FTO: variants seen among roughly 807,000 people sequenced by gnomAD.
The protein encoded by FTO is alpha-ketoglutarate-dependent dioxygenase FTO.
In FTO, 47 loss-of-function variants were observed where a neutral mutation model predicts 63.9. That is an observed-to-expected ratio of 0.74 (90% confidence interval 0.58 to 0.94). FTO has a LOEUF of 0.94. FTO is among the 40% of genes least tolerant of loss of function. FTO has a pLI of 0.00. For synonymous variants in FTO, 207 were observed against 224.4 expected, an observed-to-expected ratio of 0.92 and a Z score of 0.69; for missense variants, 562 against 618.1, an observed-to-expected ratio of 0.91 and a Z score of 0.96.
intron 4 of FTO, among the ~76,000 whole-genome samples, chr16:53,859,167 G>A (rs974971555): frequency 2.6e-5 from 4 of 152,092 alleles, no homozygotes; most frequent in Admixed American, 2.6e-4. Flanking sequence ...TATGTGCAGA[G>A]CCCATCACTT....
At position 54,111,804 on chromosome 16, in the gene FTO, G is replaced by A; in HGVS notation, c.1407G>A (p.Lys469=). The A allele has an allele frequency of 6.2e-7, 1 of 1,614,108 alleles. No individual in the cohort carries two copies. Among genetic ancestry groups the A allele is most frequent in the Non-Finnish European group, 8.5e-7 (1 of 1,179,994 alleles). The change falls in exon 9 of 9, where the codon AAG becomes AAA. Residue 469 remains lysine (K), a synonymous_variant. Coordinates refer to ENST00000471389, the MANE Select transcript of FTO (RefSeq NM_001080432.3). ...RIARTLPADQ[K]PECRPYWEKD... is the part of the protein sequence containing the mutation. ...CCCGAACATTACCTGCTGATCAGAA[G>A]CCAGAATGTCGGCCATACTGGGAAA...
At chr16:53,706,487 G>A (rs1306855198) in intron 1 of FTO, among the ~76,000 whole-genome samples, 1 of 152,100 alleles carries the variant, frequency 6.6e-6, no homozygotes. Flanking sequence ...CTCTGTAGAT[G>A]CATCTGTATT....
In FTO at chr16:53,783,477, G is replaced by C. The variant is rs187458407; in HGVS notation, c.46-26663G>C. On this transcript the variant is annotated intron_variant, in intron 1 of 8. Coordinates refer to ENST00000471389, the MANE Select transcript of FTO (RefSeq NM_001080432.3). ...AAAAAATTAGCCAGGGCGTGGTGGC[G>C]GGCGCCTGTAGTCCCAGCTACTCGA... Among the ~76,000 whole-genome samples the C allele has an allele frequency of 1.5e-3, 225 of 151,610 alleles. 6 individuals are homozygous for C. In the East Asian group the frequency reaches 0.04, roughly 27 times the overall value.
At chr16:53,886,751 T>C (rs1031000673) in intron 6 of FTO, among the ~76,000 whole-genome samples, 4 of 152,232 alleles carry the variant, frequency 2.6e-5, no homozygotes, top group Admixed American at 2.0e-4. Flanking sequence ...ATTTGAGCCA[T>C]TTCCACCATC....
intron 4 of FTO, among the ~76,000 whole-genome samples, chr16:53,852,047 G>C (rs921377135): frequency 7.0e-6 from 1 of 143,796 alleles, no homozygotes; most frequent in Non-Finnish European, 1.5e-5. Flanking sequence ...CTGGAGCCCG[G>C]AAGTTTGAGT....
At chr16:53,954,964 G>C (rs1299110446) in intron 8 of FTO, among the ~76,000 whole-genome samples, 2 of 152,060 alleles carry the variant, frequency 1.3e-5, no homozygotes, top group Admixed American at 1.3e-4. Context: ...ACTCTTTGGT[G>C]GACCTCTATT....
chr16:53,783,391 T>C (rs2077637734), intron 1 of FTO, among the ~76,000 whole-genome samples: 1 of 151,296 alleles, frequency 6.6e-6, no homozygotes, highest in Admixed American at 6.6e-5. Flanking sequence ...GGCGGGCGGG[T>C]CACGAGGAGA....
At position 54,121,099 on chromosome 16, in the gene FTO, A is replaced by C. The variant is rs2087002311; in HGVS notation, c.*9184A>C. ...AGCCATGCTCATCGGTTTATGTATT[A>C]TCTATGGCTGTTTCCAACTACAGTG... On this transcript the variant is annotated 3_prime_UTR_variant, in exon 9 of 9. Coordinates refer to ENST00000471389, the MANE Select transcript of FTO (RefSeq NM_001080432.3). 2 of 152,466 alleles carry C rather than the reference A, an allele frequency of 1.3e-5. No individual in the cohort carries two copies. Among genetic ancestry groups the C allele is most frequent in the South Asian group, 4.1e-4 (2 of 4,824 alleles). The allele number at this position is 152,466 out of a possible 1,614,324, so 9.4% of individuals were successfully genotyped here. A position where few individuals can be genotyped will look rare whatever the true frequency, so the allele number is the denominator to read the frequency against.
intron 8 of FTO, among the ~76,000 whole-genome samples, chr16:54,107,153 A>G (rs2086774395): frequency 6.6e-6 from 1 of 151,192 alleles, no homozygotes; most frequent in African/African-American, 2.4e-5. Flanking sequence ...GTGTATATAC[A>G]TATTATTTTC....
chr16:53,939,856 G>A (rs2082486051), intron 8 of FTO, among the ~76,000 whole-genome samples: 1 of 152,104 alleles, frequency 6.6e-6, no homozygotes, highest in African/African-American at 2.4e-5. Flanking sequence ...TATTTATCCA[G>A]TAATCAACTG....
intron 1 of FTO, among the ~76,000 whole-genome samples, chr16:53,734,224 A>T (rs560609697): frequency 6.6e-6 from 1 of 152,344 alleles, no homozygotes; most frequent in South Asian, 2.1e-4. Flanking sequence ...TAGGTGATAG[A>T]ACAACTTCAG....
At chr16:53,835,757 T>C (rs1208749620) in intron 3 of FTO, among the ~76,000 whole-genome samples, 1 of 152,186 alleles carries the variant, frequency 6.6e-6, no homozygotes, top group African/African-American at 2.4e-5. Flanking sequence ...CTCATCTCTT[T>C]GGAATCCATA....
chr16:53,706,123 G>C (rs760701342), intron 1 of FTO, among the ~76,000 whole-genome samples: 41 of 152,080 alleles, frequency 2.7e-4, no homozygotes, highest in Admixed American at 2.0e-4. Flanking sequence ...AATTAGTAGA[G>C]CAAATTGTCT....
rs1567962696 is a variant in FTO, at chr16:53,760,225, TG to T, written c.46-49914del. Among the ~76,000 whole-genome samples the T allele has an allele frequency of 2.0e-4, 12 of 59,320 alleles. 1 individual carries two copies. The highest frequency in any genetic ancestry group is 9.3e-4 in the African/African-American group (7 of 7,564). 38.9% of individuals were successfully genotyped at this position (59,320 alleles called of 152,430 possible). ...GCTTTGGTGTGTGTGTGTGTGTGTGTGTGTGTGTGTGTGTGTGTGTGTGTGT... is the reference window on the plus strand; with the variant it reads ...GCTTTGGTGTGTGTGTGTGTGTGTGTTGTGTGTGTGTGTGTGTGTGTGTGT... On this transcript the variant is annotated intron_variant, in intron 1 of 8. Transcript: ENST00000471389.
intron 1 of FTO, among the ~76,000 whole-genome samples, chr16:53,775,432 T>G (rs1023835303): frequency 1.3e-5 from 2 of 152,198 alleles, no homozygotes; most frequent in African/African-American, 4.8e-5. Context: ...CTGCCTGGGC[T>G]TTTGCAGTAG....
At chr16:53,807,673 G>A (rs750416396) in intron 1 of FTO, among the ~76,000 whole-genome samples, 4 of 152,200 alleles carry the variant, frequency 2.6e-5, no homozygotes, top group African/African-American at 9.7e-5. Flanking sequence ...TTTGAGAAAT[G>A]TGTGTTTGAA....
At chr16:53,905,802 CAT>C (rs2151934178) in intron 7 of FTO, among the ~76,000 whole-genome samples, 1 of 152,306 alleles carries the variant, frequency 6.6e-6, no homozygotes, top group Admixed American at 6.5e-5. Context: ...TAACACAACA[CAT>C]ATTGGATGAA....
At chr16:53,902,168 G>T (rs1183311957) in intron 7 of FTO, among the ~76,000 whole-genome samples, 1 of 152,106 alleles carries the variant, frequency 6.6e-6, no homozygotes, top group African/African-American at 2.4e-5. Context: ...TTCTTTCAAG[G>T]CCTGAAACAT....
At chr16:53,848,464 A>G (rs1183439823) in intron 4 of FTO, among the ~76,000 whole-genome samples, 2 of 152,156 alleles carry the variant, frequency 1.3e-5, no homozygotes, top group East Asian at 1.9e-4. Flanking sequence ...GGACATGCTT[A>G]ACTAAGGTTG....
Sources: gnomAD v4.1 joint callset for allele counts (sites outside exome capture counted in the v4.1 genomes callset) on GRCh38, gnomAD v4.1.1 for gene constraint, MANE v1.5 for transcripts, NCBI Gene and HGNC (gene_info 2026-07-23, HGNC 2026-07-21) for gene names.